The following NR6A1 variants were observed in gnomAD, a reference collection of about 807,000 sequenced individuals.
NR6A1 encodes nuclear receptor subfamily 6 group A member 1.
A neutral mutation model predicts 59.1 loss-of-function variants in NR6A1; 7 were observed. That is an observed-to-expected ratio of 0.12 (90% CI 0.07 to 0.22). The LOEUF (loss-of-function observed/expected upper bound fraction) is 0.22, where lower values mean the gene tolerates loss of function less well. Among genes scored for constraint, NR6A1 ranks in the 10% least tolerant of loss-of-function variants. The pLI is 1.00. For synonymous variants in NR6A1, 243 were observed against 236.1 expected, an observed-to-expected ratio of 1.03 and a Z score of -0.27; for missense variants, 468 against 611.6, an observed-to-expected ratio of 0.77 and a Z score of 2.48.
chr9:124,584,402 C>G (rs1241171993), intron 2 of NR6A1, among the ~76,000 whole-genome samples: 1 of 152,070 alleles, frequency 6.6e-6, no homozygotes, highest in African/African-American at 2.4e-5. Flanking sequence ...CCGCGCCCAG[C>G]CACTTTATTG....
chr9:124,680,965 T>C (rs561175520), intron 2 of NR6A1, among the ~76,000 whole-genome samples: 2 of 152,346 alleles, frequency 1.3e-5, no homozygotes, highest in African/African-American at 4.8e-5. Context: ...TTTGTCACTG[T>C]CACACACTAC....
At chr9:124,537,208 G>A (rs1833294867) in intron 6 of NR6A1, among the ~76,000 whole-genome samples, 1 of 151,996 alleles carries the variant, frequency 6.6e-6, no homozygotes, top group Non-Finnish European at 1.5e-5. Flanking sequence ...TCCTGCCTCA[G>A]CTTACTGAGT....
chr9:124,720,191 A>AT (rs1839526082), intron 2 of NR6A1, among the ~76,000 whole-genome samples: 1 of 151,958 alleles, frequency 6.6e-6, no homozygotes, highest in South Asian at 2.1e-4. Context: ...AGCTGGGATT[A>AT]CAAGCATGCG....
rs115987820 is a variant in NR6A1 at position 124,630,543 on chromosome 9, G to A, written c.143-75973C>T. Among the ~76,000 whole-genome samples the A allele has an allele frequency of 7.0e-3, 1,049 of 149,640 alleles. 11 individuals carry two copies. Among genetic ancestry groups the A allele is most frequent in the African/African-American group, 0.025 (1,018 of 40,716 alleles). On this transcript the variant is annotated intron_variant, in intron 2 of 9. Transcript: ENST00000487099. ...GAGCCACTGCACCCAGCCCCAACTC[G>A]GCTTAAAACCAGTGGAGGCTGGCTA... is the stretch of plus-strand genomic sequence containing the variant.
At chr9:124,660,648 C>CAA (rs753242760) in intron 2 of NR6A1, among the ~76,000 whole-genome samples, 6,621 of 92,730 alleles carry the variant, frequency 0.071, 564 homozygotes, top group East Asian at 0.25. Flanking sequence ...TCTGAGAATA[C>CAA]AAAAAAAAAA....
At chr9:124,732,857 C>G (rs1268052437) in intron 2 of NR6A1, among the ~76,000 whole-genome samples, 1 of 151,812 alleles carries the variant, frequency 6.6e-6, no homozygotes, top group Non-Finnish European at 1.5e-5. Flanking sequence ...CCACCACGCC[C>G]GGCTGATTTT....
At chr9:124,700,607 TA>T (rs1838912842) in intron 2 of NR6A1, among the ~76,000 whole-genome samples, 1 of 152,116 alleles carries the variant, frequency 6.6e-6, no homozygotes, top group South Asian at 2.1e-4. Flanking sequence ...TATTGTTGAA[TA>T]AATAAATATT....
intron 3 of NR6A1, among the ~76,000 whole-genome samples, chr9:124,553,620 C>T (rs952804079): frequency 2.3e-5 from 3 of 132,596 alleles, no homozygotes; most frequent in African/African-American, 5.8e-5. Context: ...TCCACATCCT[C>T]GATTTCAACT....
intron 2 of NR6A1, among the ~76,000 whole-genome samples, chr9:124,635,616 T>C (rs1426175535): frequency 1.3e-5 from 2 of 152,224 alleles, no homozygotes; most frequent in African/African-American, 4.8e-5. Context: ...AACAGACTCA[T>C]ATAGTATGTA....
intron 2 of NR6A1, among the ~76,000 whole-genome samples, chr9:124,578,120 T>C (rs1188176305): frequency 6.6e-6 from 1 of 152,238 alleles, no homozygotes; most frequent in African/African-American, 2.4e-5. Context: ...TTTTTCAGTC[T>C]CTTTTACTGA....
At chr9:124,704,887 T>G (rs147240588) in intron 2 of NR6A1, among the ~76,000 whole-genome samples, 204 of 152,214 alleles carry the variant, frequency 1.3e-3, no homozygotes, top group Admixed American at 2.3e-3. Context: ...CAGAAGCGCA[T>G]GCCACAACTG....
chr9:124,753,189 G>C (rs537384856), intron 1 of NR6A1, among the ~76,000 whole-genome samples: 66 of 152,266 alleles, frequency 4.3e-4, no homozygotes, highest in African/African-American at 1.6e-3. Flanking sequence ...CAATCCTTCT[G>C]ATTACATCAG....
intron 2 of NR6A1, chr9:124,595,703 A>G: frequency 9.4e-7 from 1 of 1,067,900 alleles, no homozygotes; most frequent in Non-Finnish European, 1.3e-6. Flanking sequence ...TAAACCTTCA[A>G]AGAAAATTTC....
intron 2 of NR6A1, among the ~76,000 whole-genome samples, chr9:124,668,628 C>A (rs1216701676): frequency 6.6e-6 from 1 of 152,160 alleles, no homozygotes; most frequent in Non-Finnish European, 1.5e-5. Flanking sequence ...ATTCTCAACA[C>A]CGATTTTTCA....
chr9:124,680,692 C>T (rs887179888), intron 2 of NR6A1, among the ~76,000 whole-genome samples: 1 of 152,164 alleles, frequency 6.6e-6, no homozygotes, highest in Non-Finnish European at 1.5e-5. Context: ...GAAGGGACTA[C>T]GAGAGTTTCC....
intron 2 of NR6A1, among the ~76,000 whole-genome samples, chr9:124,662,108 A>T (rs1377977558): frequency 6.6e-6 from 1 of 152,262 alleles, no homozygotes; most frequent in East Asian, 1.9e-4. Flanking sequence ...ATGAGAAAAG[A>T]GGTCCAGGTC....
chr9:124,756,650 T>C (rs1396263336), intron 1 of NR6A1, among the ~76,000 whole-genome samples: 2 of 152,316 alleles, frequency 1.3e-5, no homozygotes, highest in East Asian at 1.9e-4. Flanking sequence ...GGATAGAAAC[T>C]AGCCACTGAG....
chr9:124,744,956 A>C (rs927772924), intron 1 of NR6A1, among the ~76,000 whole-genome samples: 2 of 152,180 alleles, frequency 1.3e-5, no homozygotes, highest in African/African-American at 4.8e-5. Context: ...ATTTTCTTTA[A>C]AATCTCCATA....
chr9:124,554,802 A>T (rs577416143), intron 2 of NR6A1, among the ~76,000 whole-genome samples: 2 of 152,260 alleles, frequency 1.3e-5, no homozygotes, highest in East Asian at 3.9e-4. Flanking sequence ...CAACACTTGG[A>T]TCAGTATCTA....
Sources: gnomAD v4.1 joint callset for allele counts (sites outside exome capture counted in the v4.1 genomes callset) on GRCh38, gnomAD v4.1.1 for gene constraint, MANE v1.5 for transcripts, NCBI Gene and HGNC (gene_info 2026-07-23, HGNC 2026-07-21) for gene names.